The following SARNP variants were observed in gnomAD, a reference collection of about 807,000 sequenced individuals.
SARNP encodes the protein SAP domain-containing ribonucleoprotein.
SARNP carries 5 observed loss-of-function variants against 38.1 expected under a neutral mutation model. The observed-to-expected ratio is 0.13, with a 90% CI of 0.07 to 0.28. SARNP has a LOEUF of 0.28. SARNP is among the 10% of genes least tolerant of loss of function. SARNP has a pLI of 1.00. For missense variants in SARNP, 180 were observed against 243.9 expected (o/e 0.74, Z 1.75); for synonymous variants, 84 against 80.6 (o/e 1.04, Z -0.23).
At chr12:55,777,467 C>T (rs1021627977) in intron 9 of SARNP, among the ~76,000 whole-genome samples, 8 of 151,950 alleles carry the variant, frequency 5.3e-5, no homozygotes, top group Admixed American at 2.6e-4. Context: ...CTCTGCCTCC[C>T]GGGTTCAAGC....
intron 9 of SARNP, among the ~76,000 whole-genome samples, chr12:55,767,772 G>A (rs184094286): frequency 0.011 from 1,718 of 149,628 alleles, 13 homozygotes; most frequent in Non-Finnish European, 0.017. Flanking sequence ...GTGTGAACCC[G>A]GGAGGCAGAG....
intron 9 of SARNP, among the ~76,000 whole-genome samples, chr12:55,767,796 G>A (rs1878883789): frequency 7.1e-6 from 1 of 141,712 alleles, no homozygotes; most frequent in Non-Finnish European, 1.5e-5. Context: ...GCAGTGAGCC[G>A]AGATCGCGCC....
chr12:55,799,970 A>G (rs924686435), intron 4 of SARNP, among the ~76,000 whole-genome samples: 3 of 151,514 alleles, frequency 2.0e-5, no homozygotes, highest in African/African-American at 7.3e-5. Flanking sequence ...CAGACGGATC[A>G]TTTGAGGTCA....
intron 9 of SARNP, among the ~76,000 whole-genome samples, chr12:55,761,096 A>G (rs1878661585): frequency 6.6e-6 from 1 of 152,094 alleles, no homozygotes; most frequent in African/African-American, 2.4e-5. Context: ...GAACTGCTTG[A>G]ACCTGGGAGG....
At chr12:55,794,275 C>T (rs1879756632) in intron 7 of SARNP, 84 bp downstream of exon 7, 7 of 1,219,664 alleles carry the variant, frequency 5.7e-6, no homozygotes, top group Non-Finnish European at 8.4e-6. Flanking sequence ...GCAAATTTAC[C>T]TTATTTTGGA....
At chr12:55,765,239 C>T (rs950358200) in intron 9 of SARNP, among the ~76,000 whole-genome samples, 10 of 152,206 alleles carry the variant, frequency 6.6e-5, no homozygotes, top group Admixed American at 3.9e-4. Flanking sequence ...AAGCCCTCCC[C>T]CAACGTATGT....
intron 1 of SARNP, among the ~76,000 whole-genome samples, chr12:55,816,597 A>C (rs964461899): frequency 2.6e-5 from 4 of 152,070 alleles, no homozygotes; most frequent in African/African-American, 9.7e-5. Flanking sequence ...ACAGCAACAA[A>C]AACAAAAAAA....
chr12:55,805,571 G>C (rs1035197022), intron 1 of SARNP, among the ~76,000 whole-genome samples: 1 of 152,208 alleles, frequency 6.6e-6, no homozygotes, highest in South Asian at 2.1e-4. Flanking sequence ...ACTAGACCAG[G>C]TGCGGTGGCT....
At chr12:55,759,798 C>T (rs1021341191) in intron 10 of SARNP, among the ~76,000 whole-genome samples, 4 of 151,872 alleles carry the variant, frequency 2.6e-5, no homozygotes, top group South Asian at 2.1e-4. Context: ...AGTACAGTGG[C>T]GCCATCCAGG....
chr12:55,803,898 C>T (rs140204141), intron 1 of SARNP, among the ~76,000 whole-genome samples, 170 bp from the exon 2 acceptor site: 7 of 152,234 alleles, frequency 4.6e-5, no homozygotes, highest in Non-Finnish European at 8.8e-5. Context: ...TTTCCTCTAA[C>T]GATATTCAAT....
intron 1 of SARNP, among the ~76,000 whole-genome samples, chr12:55,813,804 A>G (rs1880404042): frequency 6.6e-6 from 1 of 152,150 alleles, no homozygotes; most frequent in Non-Finnish European, 1.5e-5. Flanking sequence ...TCGGCCTCCC[A>G]AAGTACTGGG....
intron 1 of SARNP, among the ~76,000 whole-genome samples, chr12:55,804,818 T>C (rs1880089577): frequency 6.6e-6 from 1 of 152,144 alleles, no homozygotes; most frequent in African/African-American, 2.4e-5. Flanking sequence ...ATGACCTTTT[T>C]TGTTTTGGAG....
At chr12:55,789,259 C>T in intron 8 of SARNP, 116 bp from the exon 9 acceptor site, 2 of 653,920 alleles carry the variant, frequency 3.1e-6, no homozygotes, top group Non-Finnish European at 2.6e-6. Context: ...TCAAAGACAC[C>T]CTATGAGCAA....
chr12:55,763,670 CTT>C (rs1201532586), intron 9 of SARNP, among the ~76,000 whole-genome samples: 1 of 152,090 alleles, frequency 6.6e-6, no homozygotes, highest in Admixed American at 6.6e-5. Context: ...CCAGGCTAGT[CTT>C]GAACTCCTGG....
intron 9 of SARNP, among the ~76,000 whole-genome samples, chr12:55,763,040 A>G (rs1878722369): frequency 6.6e-6 from 1 of 152,296 alleles, no homozygotes; most frequent in Middle Eastern, 3.4e-3. Flanking sequence ...TTATCATTTA[A>G]TCACAGTTTA....
At chr12:55,755,353 T>TG (rs1878474071), downstream of SARNP, 1 of 151,190 alleles carries the variant, frequency 6.6e-6, no homozygotes, top group Non-Finnish European at 1.5e-5. Flanking sequence ...AGAGTGAGAG[T>TG]GGAAAAAAAG....
At chr12:55,778,193 CTGGAGTG>C (rs1339761666) in intron 9 of SARNP, among the ~76,000 whole-genome samples, 28 of 152,042 alleles carry the variant, frequency 1.8e-4, no homozygotes, top group African/African-American at 6.5e-4. Context: ...GTTGCCCAGG[CTGGAGTG>C]CAGTGGCATG....
intron 9 of SARNP, among the ~76,000 whole-genome samples, chr12:55,772,712 CTTTTTTT>C (rs11428581): frequency 1.5e-5 from 2 of 130,302 alleles, no homozygotes; most frequent in Non-Finnish European, 1.6e-5. Flanking sequence ...GAAGCTGAAA[CTTTTTTT>C]TTTTTTTTTT....
intron 1 of SARNP, among the ~76,000 whole-genome samples, chr12:55,807,646 C>CAAA (rs768134544): frequency 1.3e-5 from 1 of 75,406 alleles, no homozygotes; most frequent in African/African-American, 4.7e-5. Context: ...ACTAAAAATA[C>CAAA]AAAAAAAAAA....
Sources: allele counts gnomAD v4.1 joint callset (sites outside exome capture counted in the v4.1 genomes callset), GRCh38; gene constraint gnomAD v4.1.1; transcripts MANE v1.5; gene names NCBI Gene and HGNC (gene_info 2026-07-23, HGNC 2026-07-21).